TDRD5: variants seen among roughly 807,000 people sequenced by gnomAD.
The protein encoded by TDRD5 is tudor domain containing 5.
In TDRD5, 41 loss-of-function variants were observed where a neutral mutation model predicts 120.6. The ratio of observed to expected loss-of-function variants is 0.34; its 90% CI spans 0.26 to 0.44. The LOEUF (loss-of-function observed/expected upper bound fraction) is 0.44, where lower values mean the gene tolerates loss of function less well. Ranked by LOEUF, TDRD5 falls within the 20% of genes least tolerant of loss-of-function variation. The pLI, the probability that TDRD5 is intolerant of heterozygous loss-of-function variation, is 1.00. For missense variants in TDRD5, 1,006 were observed against 1,221.2 expected (o/e 0.82, Z 2.63); for synonymous variants, 430 against 433.7 (o/e 0.99, Z 0.11).
At chr1:179,663,212 A>C (rs7547484) in intron 15 of TDRD5, 136 bp from the exon 16 acceptor site, 366,214 of 1,012,274 alleles carry the variant, frequency 0.36, 67,485 homozygotes, top group Admixed American at 0.43. Context: ...AGGAAAGTCA[A>C]ACTGATATAG....
intron 4 of TDRD5, among the ~76,000 whole-genome samples, chr1:179,612,054 C>G (rs1676308507): frequency 1.3e-5 from 2 of 152,116 alleles, no homozygotes; most frequent in African/African-American, 4.8e-5. Flanking sequence ...GGTGTTCCCT[C>G]AAAACTCTAC....
chr1:179,597,058 T>G (rs1459905238), intron 4 of TDRD5, among the ~76,000 whole-genome samples: 1 of 152,226 alleles, frequency 6.6e-6, no homozygotes, highest in Non-Finnish European at 1.5e-5. Context: ...ATGATAATGT[T>G]GAGCATCTTT....
chr1:179,636,023 T>A, intron 9 of TDRD5, 136 bp downstream of exon 9: 1 of 544,864 alleles, frequency 1.8e-6, no homozygotes, highest in Non-Finnish European at 2.9e-6. Context: ...GTATAGAAAT[T>A]AAAACTGTAA....
intron 9 of TDRD5, 76 bp from the exon 10 acceptor site, chr1:179,639,763 G>C (rs1677943384): frequency 6.7e-7 from 1 of 1,496,158 alleles, no homozygotes; most frequent in East Asian, 2.3e-5. Context: ...AAGACTTTCT[G>C]GCTTGATACA....
chr1:179,616,582 C>T (rs1471954312), intron 4 of TDRD5, among the ~76,000 whole-genome samples: 1 of 152,150 alleles, frequency 6.6e-6, no homozygotes, highest in Non-Finnish European at 1.5e-5. Context: ...GCTTGTATAA[C>T]CAAGAAAAAC....
chr1:179,640,105 T>G (rs61277962), intron 10 of TDRD5, 54 bp downstream of exon 10: 1 of 1,574,996 alleles, frequency 6.3e-7, no homozygotes, highest in Non-Finnish European at 8.7e-7. Context: ...ATCACAGTGT[T>G]GAAGCTCTGT....
At chr1:179,616,581 A>C (rs2101961090) in intron 4 of TDRD5, among the ~76,000 whole-genome samples, 1 of 152,300 alleles carries the variant, frequency 6.6e-6, no homozygotes, top group Admixed American at 6.5e-5. Flanking sequence ...TGCTTGTATA[A>C]CCAAGAAAAA....
Position 179,592,784 on chromosome 1 carries a change from G to C in TDRD5, c.169G>C (p.Val57Leu), listed in dbSNP as rs1442248142. 6.2e-7 allele frequency: 1 copy of C among 1,614,186 alleles called. No homozygotes were observed. Among genetic ancestry groups the C allele is most frequent in the Non-Finnish European group, 8.5e-7 (1 of 1,180,034 alleles). The change falls in exon 2 of 18, where the codon GTA becomes CTA. Residue 57 changes from valine to leucine, a missense_variant. Around this residue, in one of 3 missense-constraint regions of TDRD5, gnomAD observed 445 missense variants for 515.5 expected, o/e 0.86. Transcript: ENST00000444136. ...ILGYRSTMELVLDMPDVVRVC... is the reference protein window; with the variant it reads ...ILGYRSTMELLLDMPDVVRVC... Reference sequence around the variant, plus strand: ...TGGGTATCGGTCCACTATGGAGCTGGTATTGGACATGCCTGATGTTGTTCG... The same window carrying C: ...TGGGTATCGGTCCACTATGGAGCTGCTATTGGACATGCCTGATGTTGTTCG...
rs548501061 is a variant in TDRD5, at chr1:179,670,387, G to A, written c.2860+983G>A. Among the ~76,000 whole-genome samples, 7 of 147,394 alleles carry A rather than the reference G, an allele frequency of 4.7e-5. No homozygotes were observed. The East Asian group carries it at 7.8e-4, about 17-fold the overall frequency. On this transcript the variant is annotated intron_variant, in intron 17 of 17. Transcript: ENST00000444136. Reference sequence around the variant, plus strand: ...AGCCTGGGTGACAGAGTGAGACTCCGTCTCAAAAAAAAAAAAAAAATTATA... The same window carrying A: ...AGCCTGGGTGACAGAGTGAGACTCCATCTCAAAAAAAAAAAAAAAATTATA...
At position 179,651,080 on chromosome 1, in the gene TDRD5, G is replaced by T. The variant is rs1429488311; in HGVS notation, c.2001+13G>T. The T allele has an allele frequency of 6.2e-7, 1 of 1,612,902 alleles. No individual in the cohort carries two copies. Among genetic ancestry groups the T allele is most frequent in the African/African-American group, 1.3e-5 (1 of 74,976 alleles). ...TATCTCTTCTAAGGTGGAGCAGTCTGGATGTATTTTGTAATATATTTTGTT... is the reference window on the plus strand; with the variant it reads ...TATCTCTTCTAAGGTGGAGCAGTCTTGATGTATTTTGTAATATATTTTGTT... On this transcript the variant is annotated intron_variant, in intron 12 of 17. Transcript: ENST00000444136.
intron 4 of TDRD5, among the ~76,000 whole-genome samples, chr1:179,617,382 A>T (rs1235107066): frequency 1.3e-5 from 2 of 152,000 alleles, no homozygotes; most frequent in Non-Finnish European, 2.9e-5. Context: ...TATGTTATGC[A>T]CTCTTCGTGC....
chr1:179,595,197 A>G (rs1050099748), intron 3 of TDRD5, among the ~76,000 whole-genome samples: 1 of 152,104 alleles, frequency 6.6e-6, no homozygotes. Flanking sequence ...TGAAGAATTT[A>G]TATTTTATAT....
At chr1:179,680,358 A>G (rs1163156486) in intron 17 of TDRD5, among the ~76,000 whole-genome samples, 1 of 152,128 alleles carries the variant, frequency 6.6e-6, no homozygotes, top group Non-Finnish European at 1.5e-5. Flanking sequence ...TAGTTTTCTA[A>G]TTTTTCAATC....
At chr1:179,660,549 C>A (rs1679258578) in intron 14 of TDRD5, among the ~76,000 whole-genome samples, 1 of 152,042 alleles carries the variant, frequency 6.6e-6, no homozygotes. Context: ...TTACACTTGT[C>A]ATTCTTGACT....
chr1:179,660,871 G>A (rs1679273578), intron 14 of TDRD5, among the ~76,000 whole-genome samples: 1 of 151,950 alleles, frequency 6.6e-6, no homozygotes. Context: ...TTTTGAGTAG[G>A]TATGCTGACC....
chr1:179,592,528 C>T, intron 1 of TDRD5, 74 bp from the exon 2 acceptor site: 1 of 1,169,876 alleles, frequency 8.5e-7, no homozygotes, highest in Non-Finnish European at 1.2e-6. Flanking sequence ...TTATTTGTAT[C>T]CCACTATTGG....
At chr1:179,596,610 A>C (rs1675404792) in intron 4 of TDRD5, among the ~76,000 whole-genome samples, 1 of 152,196 alleles carries the variant, frequency 6.6e-6, no homozygotes, top group South Asian at 2.1e-4. Flanking sequence ...ACTTAGTAGA[A>C]TACTTCTGAG....
intron 6 of TDRD5, among the ~76,000 whole-genome samples, chr1:179,629,495 C>T (rs1219538632): frequency 4.6e-5 from 7 of 152,072 alleles, no homozygotes; most frequent in Non-Finnish European, 1.0e-4. Context: ...AGAAGTCACT[C>T]AACAACAAAA....
At position 179,592,794 on chromosome 1, in the gene TDRD5, T is replaced by C; in HGVS notation, c.179T>C (p.Met60Thr). The C allele has an allele frequency of 1.2e-6, 2 of 1,614,236 alleles. No individual in the cohort carries two copies. The highest frequency in any genetic ancestry group is 1.7e-6 in the Non-Finnish European group (2 of 1,180,042). The change falls in exon 2 of 18, where the codon ATG becomes ACG. Residue 60 changes from methionine to threonine, a missense_variant. Around this residue, in one of 3 missense-constraint regions of TDRD5, gnomAD observed 445 missense variants for 515.5 expected, o/e 0.86. Transcript: ENST00000444136. ...TCCACTATGGAGCTGGTATTGGACA[T>C]GCCTGATGTTGTTCGTGTCTGCCCC... ...YRSTMELVLD[M>T]PDVVRVCPGA...
Sources: gnomAD v4.1 joint callset for allele counts (sites outside exome capture counted in the v4.1 genomes callset) on GRCh38, gnomAD v4.1.1 for gene constraint, gnomAD v4.1.1 regional missense constraint, MANE v1.5 for transcripts, NCBI Gene and HGNC (gene_info 2026-07-23, HGNC 2026-07-21) for gene names.